The following TRHDE variants were observed in gnomAD, a reference collection of about 807,000 sequenced individuals.
TRHDE encodes the protein thyrotropin-releasing hormone-degrading ectoenzyme.
TRHDE carries 72 observed loss-of-function variants against 125.7 expected under a neutral mutation model. That is an observed-to-expected ratio of 0.57 (90% CI 0.47 to 0.70). The LOEUF (loss-of-function observed/expected upper bound fraction) is 0.70. Ranked by LOEUF, TRHDE falls within the 30% of genes least tolerant of loss-of-function variation. TRHDE has a pLI of 0.00. For missense variants in TRHDE, 1,110 were observed against 1,327.1 expected (o/e 0.84, Z 2.54); for synonymous variants, 509 against 509.1 (o/e 1.00, Z 0.00).
At chr12:72,643,564 G>A (rs891826895) in intron 15 of TRHDE, among the ~76,000 whole-genome samples, 20 of 152,040 alleles carry the variant, frequency 1.3e-4, no homozygotes, top group African/African-American at 4.6e-4. Context: ...CTTCAGGGTG[G>A]TCTATCTGTT....
intron 2 of TRHDE, among the ~76,000 whole-genome samples, chr12:72,146,549 G>T (rs582658): frequency 6.6e-6 from 1 of 152,156 alleles, no homozygotes; most frequent in Non-Finnish European, 1.5e-5. Flanking sequence ...TAAATACACA[G>T]AAAATTTGGT....
At chr12:72,558,239 T>A (rs1870014241) in intron 7 of TRHDE, among the ~76,000 whole-genome samples, 1 of 152,072 alleles carries the variant, frequency 6.6e-6, no homozygotes, top group Admixed American at 6.6e-5. Flanking sequence ...TGTGACAATA[T>A]AAAAGAGATA....
At chr12:72,479,801 A>C (rs1307276071) in intron 5 of TRHDE, among the ~76,000 whole-genome samples, 1 of 148,394 alleles carries the variant, frequency 6.7e-6, no homozygotes, top group Non-Finnish European at 1.5e-5. Context: ...TCCTAATGCT[A>C]TCCCTCCCAC....
chr12:72,127,856 AT>A (rs894415207), intron 2 of TRHDE, among the ~76,000 whole-genome samples: 9 of 152,230 alleles, frequency 5.9e-5, no homozygotes, highest in Non-Finnish European at 1.2e-4. Flanking sequence ...ACAGAGAGAC[AT>A]TGTGTGTATA....
intron 3 of TRHDE, among the ~76,000 whole-genome samples, chr12:72,404,712 T>TC (rs1267028003): frequency 6.6e-6 from 1 of 152,112 alleles, no homozygotes; most frequent in Non-Finnish European, 1.5e-5. Context: ...TTCAATCACC[T>TC]CCCATCAGGT....
chr12:72,262,826 C>T (rs373456591), intron 2 of TRHDE: 12 of 151,972 alleles, frequency 7.9e-5, no homozygotes, highest in East Asian at 5.8e-4. Context: ...TGGATGTTAG[C>T]GCTTCTAAAA....
At chr12:72,442,479 A>G (rs1320842817) in intron 3 of TRHDE, among the ~76,000 whole-genome samples, 1 of 151,894 alleles carries the variant, frequency 6.6e-6, no homozygotes, top group African/African-American at 2.4e-5. Context: ...CAAATCCAAT[A>G]AACACTTTTT....
chr12:72,535,748 T>G (rs1341285228), intron 6 of TRHDE, among the ~76,000 whole-genome samples: 1 of 152,068 alleles, frequency 6.6e-6, no homozygotes, highest in East Asian at 1.9e-4. Context: ...TAAGGTATGC[T>G]TTTATTCCAT....
At chr12:72,417,409 T>C (rs780362304) in intron 3 of TRHDE, among the ~76,000 whole-genome samples, 15 of 152,006 alleles carry the variant, frequency 9.9e-5, no homozygotes, top group Non-Finnish European at 2.1e-4. Flanking sequence ...TTTGGCTTAT[T>C]TGATTACTTT....
rs143203993 is a variant in TRHDE at position 72,097,823 on chromosome 12, G to C, written n.175-7825G>C. Among the ~76,000 whole-genome samples the C allele has an allele frequency of 1.2e-3, 181 of 152,178 alleles. 2 individuals are homozygous for C. In the East Asian group the frequency reaches 0.032, roughly 27 times the overall value. On this transcript the variant is annotated intron_variant and non_coding_transcript_variant, in intron 1 of 4. Coordinates refer to the TRHDE transcript ENST00000548156. ...TTTTTGTGGTTTGTCACAGATTTCA[G>C]AGTTAAATACTAGAAGGTAATGCTC...
chr12:72,655,499 C>T (rs1025458192), intron 17 of TRHDE, among the ~76,000 whole-genome samples: 1 of 152,088 alleles, frequency 6.6e-6, no homozygotes, highest in Non-Finnish European at 1.5e-5. Flanking sequence ...CTCAGAACTA[C>T]TCCATGGTCA....
At chr12:72,346,839 C>T (rs12820527) in intron 2 of TRHDE, among the ~76,000 whole-genome samples, 18,782 of 151,972 alleles carry the variant, frequency 0.12, 1,738 homozygotes, top group East Asian at 0.46. Context: ...ATTCATTGTC[C>T]CACAGTTTTG....
intron 5 of TRHDE, among the ~76,000 whole-genome samples, chr12:72,490,756 T>TAAAA (rs538829137): frequency 8.6e-6 from 1 of 116,268 alleles, no homozygotes; most frequent in Non-Finnish European, 1.8e-5. Context: ...GTGGAATCTG[T>TAAAA]AAAAAAAAAA....
chr12:72,581,585 AATATC>A (rs2136036332), intron 12 of TRHDE, among the ~76,000 whole-genome samples: 1 of 152,312 alleles, frequency 6.6e-6, no homozygotes, highest in Middle Eastern at 3.4e-3. Context: ...TTGTGTTTTT[AATATC>A]ATAACATACT....
chr12:72,656,387 C>T (rs1206353644), intron 17 of TRHDE, among the ~76,000 whole-genome samples: 1 of 152,028 alleles, frequency 6.6e-6, no homozygotes, highest in East Asian at 1.9e-4. Flanking sequence ...TATTTTGCAT[C>T]AGTTTCTAAG....
At chr12:72,525,019 A>G (rs1163491654) in intron 6 of TRHDE, among the ~76,000 whole-genome samples, 2 of 152,082 alleles carry the variant, frequency 1.3e-5, no homozygotes, top group East Asian at 3.8e-4. Context: ...AAATTTCCTT[A>G]ATTTTCCATG....
chr12:72,613,559 T>C (rs917435919), intron 12 of TRHDE, among the ~76,000 whole-genome samples: 6 of 152,238 alleles, frequency 3.9e-5, no homozygotes, highest in Non-Finnish European at 8.8e-5. Flanking sequence ...TGCTAGGTTC[T>C]GCATTAGTCT....
intron 2 of TRHDE, among the ~76,000 whole-genome samples, chr12:72,259,944 G>C (rs1232425994): frequency 6.6e-6 from 1 of 152,138 alleles, no homozygotes; most frequent in Non-Finnish European, 1.5e-5. Flanking sequence ...GTAGTGAATT[G>C]GTAACAGTGT....
rs377077585 is a variant in TRHDE at position 72,660,205 on chromosome 12, C to G, written c.3067-2847C>G. ...ATAAGAAAGATCAAAGACTTCAAGA[C>G]TTTCACTATTTCTTCTACTGCTATC... On this transcript the variant is annotated intron_variant, in intron 18 of 18. Transcript: ENST00000261180. Among the ~76,000 whole-genome samples, 3 of 152,186 alleles carry G rather than the reference C, an allele frequency of 2.0e-5. No individual in the cohort carries two copies. In the South Asian group the frequency reaches 6.2e-4, roughly 31 times the overall value.
Sources: gnomAD v4.1 joint callset for allele counts (sites outside exome capture counted in the v4.1 genomes callset) on GRCh38, gnomAD v4.1.1 for gene constraint, MANE v1.5 for transcripts, NCBI Gene and HGNC (gene_info 2026-07-23, HGNC 2026-07-21) for gene names.